The following NCOA2 variants were observed in gnomAD, a reference collection of about 807,000 sequenced individuals.
NCOA2 encodes the protein class E basic helix-loop-helix protein 75.
A neutral mutation model predicts 145.1 loss-of-function variants in NCOA2; 21 were observed. The observed-to-expected ratio is 0.14, with a 90% CI of 0.10 to 0.21. The LOEUF is 0.21. NCOA2 is among the 10% of genes least tolerant of loss of function. NCOA2 has a pLI of 1.00. For synonymous variants in NCOA2, 619 were observed against 637.5 expected (o/e 0.97, Z 0.44); for missense variants, 1,472 against 1,837.6 (o/e 0.80, Z 3.64).
At chr8:70,172,658 G>A (rs1814386955) in intron 5 of NCOA2, among the ~76,000 whole-genome samples, 1 of 152,162 alleles carries the variant, frequency 6.6e-6, no homozygotes, top group South Asian at 2.1e-4. Flanking sequence ...CAGGAGGTTA[G>A]GTGATAAGTT....
At chr8:70,230,833 G>A (rs1224317028) in intron 2 of NCOA2, among the ~76,000 whole-genome samples, 1 of 152,096 alleles carries the variant, frequency 6.6e-6, no homozygotes, top group Admixed American at 6.5e-5. Context: ...ATTTTAAAAT[G>A]TAAGTGTGTA....
chr8:70,235,994 C>A (rs1276736019), intron 2 of NCOA2, among the ~76,000 whole-genome samples: 2 of 152,140 alleles, frequency 1.3e-5, no homozygotes, highest in Non-Finnish European at 2.9e-5. Context: ...AAGCTTTCAC[C>A]TTAAAAATCA....
intron 11 of NCOA2, among the ~76,000 whole-genome samples, chr8:70,151,825 T>C (rs991863433): frequency 6.6e-6 from 1 of 152,202 alleles, no homozygotes; most frequent in African/African-American, 2.4e-5. Flanking sequence ...CATGTTCTTC[T>C]TCAAGGAGAT....
At chr8:70,425,000 C>T in the NCOA2 span, among the ~76,000 whole-genome samples, 1 of 152,174 alleles carries the variant, frequency 6.6e-6, no homozygotes, top group Admixed American at 6.5e-5. Context: ...TAGGACAGTT[C>T]TAAAGGACAT....
chr8:70,332,814 C>T (rs895242255), intron 1 of NCOA2, among the ~76,000 whole-genome samples: 1 of 152,068 alleles, frequency 6.6e-6, no homozygotes, highest in African/African-American at 2.4e-5. Flanking sequence ...ACATGCTTTA[C>T]GAAAGCTGGG....
chr8:70,317,981 A>G (rs1440031160), intron 1 of NCOA2, among the ~76,000 whole-genome samples: 2 of 152,206 alleles, frequency 1.3e-5, no homozygotes, highest in Non-Finnish European at 2.9e-5. Flanking sequence ...CACTTTTAAG[A>G]CACTTTACAA....
At chr8:70,152,464 C>G (rs760575665) in intron 11 of NCOA2, among the ~76,000 whole-genome samples, 15 of 152,178 alleles carry the variant, frequency 9.9e-5, no homozygotes, top group Admixed American at 4.6e-4. Context: ...GAGAAATTTT[C>G]AGGACACTAT....
At chr8:70,241,452 A>C (rs949301602) in intron 2 of NCOA2, among the ~76,000 whole-genome samples, 1 of 152,154 alleles carries the variant, frequency 6.6e-6, no homozygotes, top group Non-Finnish European at 1.5e-5. Flanking sequence ...ATGCGGACCG[A>C]ATACTCTTTA....
At chr8:70,226,292 AAAG>A (rs1820631203) in intron 2 of NCOA2, among the ~76,000 whole-genome samples, 1 of 152,142 alleles carries the variant, frequency 6.6e-6, no homozygotes, top group Non-Finnish European at 1.5e-5. Context: ...GGAAAGAAAG[AAAG>A]AAGAAAAGGA....
chr8:70,395,243 T>C (rs1813546934), intron 1 of NCOA2, among the ~76,000 whole-genome samples: 1 of 152,202 alleles, frequency 6.6e-6, no homozygotes. Context: ...GTTTGAATCA[T>C]TATTTATCAT....
At chr8:70,286,056 A>G (rs1229558248) in intron 2 of NCOA2, among the ~76,000 whole-genome samples, 1 of 152,226 alleles carries the variant, frequency 6.6e-6, no homozygotes, top group African/African-American at 2.4e-5. Context: ...TGCCTAGCAG[A>G]ATGTAGGTAT....
At chr8:70,369,020 G>A (rs1346018997) in intron 1 of NCOA2, among the ~76,000 whole-genome samples, 4 of 152,038 alleles carry the variant, frequency 2.6e-5, no homozygotes, top group East Asian at 1.9e-4. Flanking sequence ...GGAAAAAAAA[G>A]GGATAATTCC....
At chr8:70,313,377 A>G (rs1805287860) in intron 1 of NCOA2, among the ~76,000 whole-genome samples, 1 of 152,238 alleles carries the variant, frequency 6.6e-6, no homozygotes, top group Non-Finnish European at 1.5e-5. Flanking sequence ...AAGTCCAAAA[A>G]TACTTTCAAA....
the NCOA2 span, among the ~76,000 whole-genome samples, chr8:70,415,608 G>A: frequency 6.6e-6 from 1 of 152,240 alleles, no homozygotes; most frequent in African/African-American, 2.4e-5. Flanking sequence ...TTGTGGGCGG[G>A]AATATTGGGT....
chr8:70,255,830 C>T (rs1363200029), intron 2 of NCOA2, among the ~76,000 whole-genome samples: 4 of 152,068 alleles, frequency 2.6e-5, no homozygotes, highest in African/African-American at 4.8e-5. Flanking sequence ...TTAGGCATAA[C>T]GATGAATCAC....
chr8:70,144,781 G>A lies in NCOA2; in HGVS notation c.2673C>T (p.Ile891=). 6.2e-7 allele frequency: 1 copy of A among 1,613,982 alleles called. No homozygotes were observed. The highest frequency in any genetic ancestry group is 8.5e-7 in the Non-Finnish European group (1 of 1,179,872). The part of the protein sequence containing the change: ...LLPNQNLPLD[I]TLQSPTGAGP... ...CAGCACCAGTTGGGCTTTGCAATGT[G>A]ATGTCAAGTGGTAAATTCTGGTTTG... Residue 891 remains isoleucine (I), a synonymous_variant, in exon 13 of 23, where the codon ATC becomes ATT. Coordinates refer to ENST00000452400, the MANE Select transcript of NCOA2 (RefSeq NM_006540.4).
intron 1 of NCOA2, among the ~76,000 whole-genome samples, chr8:70,322,721 A>G (rs766476101): frequency 6.6e-6 from 1 of 152,168 alleles, no homozygotes; most frequent in Non-Finnish European, 1.5e-5. Flanking sequence ...TAAGTTTTTA[A>G]CAGAACAATA....
At chr8:70,392,602 CT>C (rs555617100) in intron 1 of NCOA2, among the ~76,000 whole-genome samples, 110 of 152,268 alleles carry the variant, frequency 7.2e-4, no homozygotes, top group African/African-American at 2.4e-3. Flanking sequence ...CCTTCATTCT[CT>C]TTTTTTATCA....
chr8:70,110,300 A>G lies in NCOA2; in HGVS notation c.*3332T>C, dbSNP rs1014283411. The G allele has an allele frequency of 1.5e-5, 3 of 197,722 alleles. No individual in the cohort carries two copies. The highest frequency in any genetic ancestry group is 3.1e-5 in the Non-Finnish European group (3 of 95,554). The allele number at this position is 197,722 out of a possible 1,614,324, so 12.2% of individuals were successfully genotyped here. A position where few individuals can be genotyped will look rare whatever the true frequency, so the allele number is the denominator to read the frequency against. On this transcript the variant is annotated 3_prime_UTR_variant, in exon 23 of 23. Transcript: ENST00000452400. ...ACTATACAAATATAATACATCGGAC[A>G]GCTATGTAGGAATATACAAGACTTA...
Sources: allele counts gnomAD v4.1 joint callset (sites outside exome capture counted in the v4.1 genomes callset), GRCh38; gene constraint gnomAD v4.1.1; transcripts MANE v1.5; gene names NCBI Gene and HGNC (gene_info 2026-07-23, HGNC 2026-07-21).